The following BBS4 variants were observed in gnomAD, a reference collection of about 807,000 sequenced individuals.
The protein encoded by BBS4 is BBSome complex member BBS4.
BBS4 carries 58 observed loss-of-function variants against 71.4 expected under a neutral mutation model. The observed-to-expected ratio is 0.81, with a 90% CI of 0.66 to 1.01. The LOEUF (loss-of-function observed/expected upper bound fraction) is 1.01, where lower values mean the gene tolerates loss of function less well. Ranked by LOEUF, BBS4 falls within the 50% of genes least tolerant of loss-of-function variation. BBS4 has a pLI of 0.00. For missense variants in BBS4, 660 were observed against 607.9 expected (o/e 1.09, Z -0.90); for synonymous variants, 228 against 216.8 (o/e 1.05, Z -0.46).
At chr15:72,686,750 A>T in intron 1 of BBS4, 1 of 394,962 alleles carries the variant, frequency 2.5e-6, no homozygotes, top group Non-Finnish European at 4.8e-6. Flanking sequence ...CGTTCACTCC[A>T]CAGAACTGCT....
intron 2 of BBS4, among the ~76,000 whole-genome samples, chr15:72,696,846 C>T (rs978446847): frequency 3.3e-5 from 5 of 152,118 alleles, no homozygotes; most frequent in Admixed American, 6.6e-5. Context: ...CATCTTCGGC[C>T]TCCTGAAGTA....
intron 2 of BBS4, among the ~76,000 whole-genome samples, chr15:72,700,184 C>T (rs551423501): frequency 9.2e-5 from 14 of 152,220 alleles, no homozygotes; most frequent in East Asian, 7.7e-4. Flanking sequence ...ATGATCCGCC[C>T]GCCTCAGCCT....
intron 2 of BBS4, among the ~76,000 whole-genome samples, chr15:72,702,236 G>T (rs1322963079): frequency 6.6e-6 from 1 of 152,024 alleles, no homozygotes; most frequent in Non-Finnish European, 1.5e-5. Flanking sequence ...CTTTATGATT[G>T]GGCAGAAACT....
chr15:72,692,064 A>C (rs1449773309), intron 1 of BBS4, among the ~76,000 whole-genome samples: 1 of 151,992 alleles, frequency 6.6e-6, no homozygotes, highest in African/African-American at 2.4e-5. Flanking sequence ...GTACCTTCTT[A>C]AGGTTTATAC....
intron 1 of BBS4, among the ~76,000 whole-genome samples, chr15:72,691,471 A>G (rs2064982106): frequency 1.3e-5 from 2 of 152,076 alleles, no homozygotes; most frequent in Admixed American, 6.6e-5. Context: ...TCAATTTTAT[A>G]TTAATATTTT....
At position 72,686,250 on chromosome 15, in the gene BBS4, C is replaced by A; in HGVS notation, c.23C>A (p.Thr8Lys). MAEERVA[T>K]RTQFPVSTES... ...AAAATGGCTGAGGAGAGAGTCGCGA[C>A]GGTGAGCGCCGAGATTCTCTTTAGT... Residue 8 changes from threonine (T) to lysine (K), a missense_variant and splice_region_variant, in exon 1 of 16, where the codon ACG (threonine) becomes AAG (lysine). Thr to Lys is a moderately conservative substitution (Grantham distance 78). Transcript: ENST00000268057. 2 of 1,565,118 alleles carry A rather than the reference C, an allele frequency of 1.3e-6. No individual in the cohort carries two copies. Among genetic ancestry groups the A allele is most frequent in the Non-Finnish European group, 1.7e-6 (2 of 1,155,646 alleles).
intron 1 of BBS4, among the ~76,000 whole-genome samples, chr15:72,691,495 T>G (rs2064982739): frequency 6.6e-6 from 1 of 152,152 alleles, no homozygotes; most frequent in African/African-American, 2.4e-5. Flanking sequence ...CTTTTTATAG[T>G]TTTACCATAT....
At chr15:72,688,712 A>C (rs1219543540) in intron 1 of BBS4, among the ~76,000 whole-genome samples, 1 of 152,108 alleles carries the variant, frequency 6.6e-6, no homozygotes, top group African/African-American at 2.4e-5. Context: ...CTTATTTTTT[A>C]ATACAATTAA....
chr15:72,700,383 G>T (rs774818487), intron 2 of BBS4, among the ~76,000 whole-genome samples: 4 of 152,180 alleles, frequency 2.6e-5, no homozygotes, highest in Non-Finnish European at 4.4e-5. Context: ...TTTCCAAAGT[G>T]GTTGTACAGT....
chr15:72,716,902 C>T (rs993448394), intron 6 of BBS4, 52 bp downstream of exon 6: 14 of 1,243,018 alleles, frequency 1.1e-5, no homozygotes, highest in Non-Finnish European at 1.5e-5. Context: ...CTAATGGTTC[C>T]ATTTATCATC....
chr15:72,716,787 G>A lies in BBS4; in HGVS notation c.342G>A (p.Leu114=). Residue 114 remains leucine (L), a synonymous_variant, in exon 6 of 16, where the codon TTG becomes TTA. Transcript: ENST00000268057. The part of the protein sequence containing the change: ...LKQVARSLFL[L]GKHKAAIEVY... Reference sequence around the variant, plus strand: ...AATATATCTTTTACAGATTTCTTTTGGGAAAACATAAAGCTGCCATTGAAG... The same window carrying A: ...AATATATCTTTTACAGATTTCTTTTAGGAAAACATAAAGCTGCCATTGAAG... 6.2e-7 allele frequency: 1 copy of A among 1,607,814 alleles called. No homozygotes were observed. Among genetic ancestry groups the A allele is most frequent in the South Asian group, 1.1e-5 (1 of 90,426 alleles).
At position 72,686,232 on chromosome 15, in the gene BBS4, C is replaced by T. The variant is rs923399180; in HGVS notation, c.5C>T (p.Ala2Val). 2 of 1,565,338 alleles carry T rather than the reference C, an allele frequency of 1.3e-6. No individual in the cohort carries two copies. Among genetic ancestry groups the T allele is most frequent in the East Asian group, 2.4e-5 (1 of 42,280 alleles). Residue 2 changes from alanine (A) to valine (V), a missense_variant, in exon 1 of 16, where the codon GCT becomes GTT. Ala to Val is a moderately conservative substitution (Grantham distance 64). Coordinates refer to ENST00000268057, the MANE Select transcript of BBS4 (RefSeq NM_033028.5). M[A>V]EERVATRTQF... is the part of the protein sequence containing the mutation. The stretch of plus-strand genomic sequence containing the variant: ...GCAGCGGTGGGCTGAGCTAAAATGG[C>T]TGAGGAGAGAGTCGCGACGGTGAGC...
At chr15:72,731,801 CAGTGG>C in intron 12 of BBS4, 75 bp downstream of exon 12, 1 of 1,563,656 alleles carries the variant, frequency 6.4e-7, no homozygotes, top group Non-Finnish European at 8.8e-7. Flanking sequence ...CATAGAAGAT[CAGTGG>C]CTGTCTCATA....
chr15:72,705,666 A>T (rs2065252167), intron 2 of BBS4, among the ~76,000 whole-genome samples: 1 of 123,896 alleles, frequency 8.1e-6, no homozygotes, highest in South Asian at 2.6e-4. Context: ...ATCATGGTTC[A>T]TTGCAACCTC....
chr15:72,725,738 CCCCTTT>C (rs1268156319), intron 8 of BBS4, among the ~76,000 whole-genome samples: 7 of 90,604 alleles, frequency 7.7e-5, no homozygotes, highest in African/African-American at 3.2e-4. Context: ...TTTTCTCTTC[CCCCTTT>C]CCCTTTCCCC....
chr15:72,686,662 G>C (rs1424379733), intron 1 of BBS4: 2 of 936,748 alleles, frequency 2.1e-6, no homozygotes, highest in African/African-American at 1.7e-5. Context: ...TCTGCCAGTG[G>C]AGCGGGACTG....
intron 3 of BBS4, 116 bp from the exon 4 acceptor site, chr15:72,712,128 A>G: frequency 1.1e-6 from 1 of 874,100 alleles, no homozygotes; most frequent in Non-Finnish European, 1.9e-6. Flanking sequence ...TGGTCTCCCA[A>G]AGTTTTGGGA....
At chr15:72,724,154 G>C (rs1335141558) in intron 7 of BBS4, among the ~76,000 whole-genome samples, 3 of 152,174 alleles carry the variant, frequency 2.0e-5, no homozygotes, top group Admixed American at 2.0e-4. Flanking sequence ...CCACCATAGG[G>C]AAGGTTGTGC....
chr15:72,736,573 T>C (rs1040792141), intron 14 of BBS4, among the ~76,000 whole-genome samples, 189 bp from the exon 15 acceptor site: 3 of 152,188 alleles, frequency 2.0e-5, no homozygotes, highest in Admixed American at 2.0e-4. Context: ...TGAGATCCTA[T>C]GTGAACCACC....
Sources: allele counts gnomAD v4.1 joint callset (sites outside exome capture counted in the v4.1 genomes callset), GRCh38; gene constraint gnomAD v4.1.1; transcripts MANE v1.5; gene names NCBI Gene and HGNC (gene_info 2026-07-23, HGNC 2026-07-21).